Variants in OR51B5 observed in about 807,000 individuals in gnomAD.
OR51B5 encodes olfactory receptor 51B5.
For missense variants in OR51B5, 456 were observed against 374.6 expected, an observed-to-expected ratio of 1.22 and a Z score of -1.79; for synonymous variants, 186 against 144.8, an observed-to-expected ratio of 1.28 and a Z score of -2.04.
At chr11:5,360,376 A>T (rs1397173935) in intron 1 of OR51B5, among the ~76,000 whole-genome samples, 1 of 152,116 alleles carries the variant, frequency 6.6e-6, no homozygotes, top group Non-Finnish European at 1.5e-5. Flanking sequence ...TGCAGTCAAC[A>T]GACACATGAA....
At chr11:5,361,437 T>C (rs1849282352) in intron 1 of OR51B5, among the ~76,000 whole-genome samples, 1 of 152,164 alleles carries the variant, frequency 6.6e-6, no homozygotes, top group Non-Finnish European at 1.5e-5. Flanking sequence ...TTGGATCCAA[T>C]ATCTTGACCA....
At chr11:5,477,019 T>G (rs1483013986) in intron 1 of OR51B5, among the ~76,000 whole-genome samples, 1 of 152,190 alleles carries the variant, frequency 6.6e-6, no homozygotes, top group South Asian at 2.1e-4. Context: ...ACAATACTGT[T>G]TTGTATATTT....
intron 1 of OR51B5, among the ~76,000 whole-genome samples, chr11:5,371,113 C>G (rs1264039275): frequency 6.6e-6 from 1 of 152,142 alleles, no homozygotes; most frequent in Non-Finnish European, 1.5e-5. Flanking sequence ...CTATGGACCA[C>G]CATGGATATT....
intron 1 of OR51B5, among the ~76,000 whole-genome samples, chr11:5,413,003 T>C (rs1438283165): frequency 6.7e-6 from 1 of 149,972 alleles, no homozygotes; most frequent in African/African-American, 2.4e-5. Flanking sequence ...AGTGGATCCC[T>C]GACCCCAGAG....
chr11:5,484,778 A>G (rs891430603), intron 1 of OR51B5, among the ~76,000 whole-genome samples: 1 of 152,142 alleles, frequency 6.6e-6, no homozygotes, highest in Admixed American at 6.5e-5. Context: ...TGAACAACAA[A>G]CCCGACGGTA....
chr11:5,448,657 G>A (rs538366567), intron 1 of OR51B5, among the ~76,000 whole-genome samples: 1 of 152,296 alleles, frequency 6.6e-6, no homozygotes, highest in Admixed American at 6.5e-5. Flanking sequence ...GAAAGAGTCA[G>A]CTTTATACAT....
Position 5,342,937 on chromosome 11 carries a change from G to T in OR51B5, c.588C>A (p.Tyr196Ter). ...ATATAAAGACTACAAGCACAGCTGG[G>T]TACAGTCGGTTGAAGGTGGTATCAG... The change falls in exon 1 of 1, where the codon TAC (tyrosine) becomes TAA (stop). Residue 196 changes from tyrosine to a stop codon, truncating the protein, a stop_gained. Transcript: ENST00000300773. LOFTEE classifies it low-confidence loss of function (END_TRUNC). 6.2e-7 allele frequency: 1 copy of T among 1,613,842 alleles called. No homozygotes were observed. The highest frequency in any genetic ancestry group is 8.5e-7 in the Non-Finnish European group (1 of 1,179,880).
At chr11:5,371,673 G>A (rs1042836406) in intron 1 of OR51B5, among the ~76,000 whole-genome samples, 44 of 152,066 alleles carry the variant, frequency 2.9e-4, no homozygotes, top group Admixed American at 2.2e-3. Flanking sequence ...TAGGATATAT[G>A]TGTACATAGT....
At chr11:5,501,983 T>C (rs2133820929) in intron 1 of OR51B5, among the ~76,000 whole-genome samples, 1 of 151,834 alleles carries the variant, frequency 6.6e-6, no homozygotes, top group South Asian at 2.1e-4. Flanking sequence ...GTTCTCATTG[T>C]TCAACTCCCA....
intron 1 of OR51B5, among the ~76,000 whole-genome samples, chr11:5,499,124 A>G (rs1851687104): frequency 6.6e-6 from 1 of 152,234 alleles, no homozygotes; most frequent in African/African-American, 2.4e-5. Context: ...ATGACAGGGC[A>G]CAAAGTTCAA....
chr11:5,421,468 TA>T (rs1425400289), intron 1 of OR51B5, among the ~76,000 whole-genome samples: 1 of 152,238 alleles, frequency 6.6e-6, no homozygotes, highest in East Asian at 1.9e-4. Context: ...TAAATGTAGA[TA>T]GTACTCAATA....
chr11:5,469,811 G>A (rs1851199120), intron 1 of OR51B5, among the ~76,000 whole-genome samples: 1 of 152,136 alleles, frequency 6.6e-6, no homozygotes, highest in African/African-American at 2.4e-5. Context: ...GGTGCACCAT[G>A]TCCTCCATGA....
At chr11:5,387,985 T>G (rs1273997781) in intron 1 of OR51B5, among the ~76,000 whole-genome samples, 3 of 152,200 alleles carry the variant, frequency 2.0e-5, no homozygotes, top group African/African-American at 7.2e-5. Context: ...TTGCAGTTCT[T>G]GCCATTGAAA....
intron 1 of OR51B5, among the ~76,000 whole-genome samples, chr11:5,377,544 T>C (rs1435438267): frequency 1.3e-5 from 2 of 152,062 alleles, no homozygotes; most frequent in African/African-American, 2.4e-5. Context: ...GACGACATGA[T>C]TGTATATCTA....
chr11:5,402,795 G>T lies in OR51B5; in HGVS notation n.85-55885C>A, dbSNP rs1461261859. 16 of 471,402 alleles carry T rather than the reference G, an allele frequency of 3.4e-5. No individual in the cohort carries two copies. The East Asian group carries it at 1.1e-3, about 33-fold the overall frequency. 29.2% of individuals were successfully genotyped at this position (471,402 alleles called of 1,614,324 possible). On this transcript the variant is annotated intron_variant and non_coding_transcript_variant, in intron 1 of 4. Coordinates refer to the OR51B5 transcript ENST00000415970. ...ACATCAACCCATGTACCTCTTCCTT[G>T]CCATGTTGGCACTGGCCGAGGTTCG... is the stretch of plus-strand genomic sequence containing the variant.
intron 1 of OR51B5, among the ~76,000 whole-genome samples, chr11:5,417,589 AAAC>A: frequency 6.7e-6 from 1 of 150,166 alleles, no homozygotes; most frequent in East Asian, 2.0e-4. Flanking sequence ...AAGAAAAAAA[AAAC>A]CCCATCCAAA....
At chr11:5,399,616 C>A (rs113627647) in intron 1 of OR51B5, among the ~76,000 whole-genome samples, 4 of 152,126 alleles carry the variant, frequency 2.6e-5, no homozygotes, top group Non-Finnish European at 5.9e-5. Flanking sequence ...CTATAGACTA[C>A]ATGATCCCTT....
chr11:5,360,275 G>A (rs1380218638), intron 1 of OR51B5, among the ~76,000 whole-genome samples: 40 of 151,892 alleles, frequency 2.6e-4, no homozygotes, highest in South Asian at 1.0e-3. Context: ...CAGAATCTAT[G>A]ATGAACTCAA....
At chr11:5,416,297 A>G (rs1850243136) in intron 1 of OR51B5, among the ~76,000 whole-genome samples, 2 of 148,252 alleles carry the variant, frequency 1.3e-5, no homozygotes, top group Non-Finnish European at 3.0e-5. Context: ...AGAGCTATCT[A>G]TGACAAACCC....
Sources: gnomAD v4.1 joint callset for allele counts (sites outside exome capture counted in the v4.1 genomes callset) on GRCh38, gnomAD v4.1.1 for gene constraint, MANE v1.5 for transcripts, NCBI Gene and HGNC (gene_info 2026-07-23, HGNC 2026-07-21) for gene names.